The following CPSF1 variants were observed in gnomAD, a reference collection of about 807,000 sequenced individuals.
The protein encoded by CPSF1 is cleavage and polyadenylation specificity factor subunit 1.
Under a neutral mutation model 175.8 loss-of-function variants are expected in CPSF1, and 106 were observed. The ratio of observed to expected loss-of-function variants is 0.60; its 90% confidence interval spans 0.52 to 0.71. CPSF1 has a LOEUF of 0.71. Among genes scored for constraint, CPSF1 ranks in the 30% least tolerant of loss-of-function variants. The pLI, the probability that CPSF1 is intolerant of heterozygous loss-of-function variation, is 0.00. For missense variants in CPSF1, 1,734 were observed against 2,022.9 expected, an observed-to-expected ratio of 0.86 and a Z score of 2.74; for synonymous variants, 1,024 against 858.3, an observed-to-expected ratio of 1.19 and a Z score of -3.37.
chr8:144,409,090 G>A lies in CPSF1; in HGVS notation c.69C>T (p.Phe23=). The A allele has an allele frequency of 2.5e-6, 4 of 1,613,888 alleles. No homozygotes were observed. The highest frequency in any genetic ancestry group is 3.4e-6 in the Non-Finnish European group (4 of 1,179,908). ...CTACCAGGTTGCGCTCGCTGTTGTT[G>A]AAGAAGTTGCAGTACATGGAGAACT... is the stretch of plus-strand genomic sequence containing the variant. The part of the protein sequence containing the change: ...GLEFSMYCNF[F]NNSERNLVVA... Residue 23 remains phenylalanine (F), a synonymous_variant, in exon 2 of 38, where the codon TTC becomes TTT. Transcript: ENST00000616140.
chr8:144,394,927 G>C lies in CPSF1; in HGVS notation c.3369C>G (p.Ala1123=). ...CCTCCCCCTGCATGAGGCAGGTCCC[G>C]GCGGCCACGTAGCCTTTGAGGCCCG... ...TVSGLKGYVA[A]GTCLMQGEEV... is the part of the protein sequence containing the mutation. The change falls in exon 30 of 38, where the codon GCC becomes GCG. Residue 1123 remains alanine, a synonymous_variant. Coordinates refer to ENST00000616140, the MANE Select transcript of CPSF1 (RefSeq NM_013291.3). The C allele has an allele frequency of 6.2e-7, 1 of 1,612,702 alleles. No individual in the cohort carries two copies. Among genetic ancestry groups the C allele is most frequent in the Non-Finnish European group, 8.5e-7 (1 of 1,179,884 alleles).
intron 2 of CPSF1, among the ~76,000 whole-genome samples, chr8:144,402,302 TTTTG>T (rs1356401314): frequency 2.0e-5 from 3 of 151,118 alleles, no homozygotes; most frequent in African/African-American, 7.4e-5. Flanking sequence ...TTTTGTTTTT[TTTTG>T]TTTTTTGTTT....
In CPSF1 at chr8:144,394,884, G is replaced by A. The variant is rs1820613592; in HGVS notation, c.3412C>T (p.Arg1138Trp). 2 of 1,611,746 alleles carry A rather than the reference G, an allele frequency of 1.2e-6. No homozygotes were observed. Among genetic ancestry groups the A allele is most frequent in the Non-Finnish European group, 1.7e-6 (2 of 1,179,346 alleles). Residue 1138 changes from arginine to tryptophan, a missense_variant and splice_region_variant, in exon 30 of 38, where the codon CGG becomes TGG. Arg to Trp is a moderately radical substitution (Grantham distance 101). Coordinates refer to ENST00000616140, the MANE Select transcript of CPSF1 (RefSeq NM_013291.3). ...GCCCCCGCTCACTGGCCCCTTACCC[G>A]CCCTCGGCACGTGACCTCCTCCCCC... ...MQGEEVTCRG[R>W]ILIMDVIEVV...
Position 144,394,965 on chromosome 8 carries a change from C to T in CPSF1, c.3331G>A (p.Glu1111Lys). ...CCTTTGAGGCCCGACACGGTCTCCTCACTGCGCAGAGACACTGTCTTCATG... is the reference window on the plus strand; with the variant it reads ...CCTTTGAGGCCCGACACGGTCTCCTTACTGCGCAGAGACACTGTCTTCATG... ...TCMKTVSLRS[E>K]ETVSGLKGYV... is the part of the protein sequence containing the mutation. Residue 1111 changes from glutamate to lysine, a missense_variant, in exon 30 of 38, where the codon GAG becomes AAG. Coordinates refer to ENST00000616140, the MANE Select transcript of CPSF1 (RefSeq NM_013291.3). 2 of 1,613,038 alleles carry T rather than the reference C, an allele frequency of 1.2e-6. No individual in the cohort carries two copies. Among genetic ancestry groups the T allele is most frequent in the Non-Finnish European group, 1.7e-6 (2 of 1,179,950 alleles).
chr8:144,401,925 C>T (rs1821232158), intron 2 of CPSF1, among the ~76,000 whole-genome samples: 1 of 152,190 alleles, frequency 6.6e-6, no homozygotes, highest in South Asian at 2.1e-4. Context: ...CTCACGGCTC[C>T]CTAGCAGCCA....
In CPSF1 at chr8:144,393,373, G is replaced by A. The variant is rs1407155390; in HGVS notation, c.4285-8C>T. ...CAGCAAGTCGTCCAGGATCTGCAGG[G>A]GATGGAAGGGTGGGTGGGTGGGTGG... On this transcript the variant is annotated splice_region_variant and splice_polypyrimidine_tract_variant and intron_variant, in intron 37 of 37. Transcript: ENST00000616140. 4.4e-6 allele frequency: 6 copies of A among 1,375,402 alleles called. No homozygotes were observed. Among genetic ancestry groups the A allele is most frequent in the Middle Eastern group, 2.7e-4 (1 of 3,764 alleles). 85.2% of individuals were successfully genotyped at this position (1,375,402 alleles called of 1,614,324 possible). A position where few individuals can be genotyped will look rare whatever the true frequency, so the allele number is the denominator to read the frequency against.
Position 144,395,040 on chromosome 8 carries a change from C to T in CPSF1, c.3273-17G>A. 2 of 1,604,566 alleles carry T rather than the reference C, an allele frequency of 1.2e-6. No individual in the cohort carries two copies. The highest frequency in any genetic ancestry group is 4.5e-5 in the East Asian group (2 of 44,694). On this transcript the variant is annotated splice_polypyrimidine_tract_variant and intron_variant, in intron 29 of 37. Transcript: ENST00000616140. Reference sequence around the variant, plus strand: ...AGCTCGATCCTGTGGGGGCCAGGGGCCTCAGGATGCTGCCTGGAGGCCTTG... The same window carrying T: ...AGCTCGATCCTGTGGGGGCCAGGGGTCTCAGGATGCTGCCTGGAGGCCTTG...
chr8:144,396,329 G>A lies in CPSF1; in HGVS notation c.2979+19C>T. 1 of 1,573,198 alleles carries A rather than the reference G, an allele frequency of 6.4e-7. No individual in the cohort carries two copies. The highest frequency in any genetic ancestry group is 8.6e-7 in the Non-Finnish European group (1 of 1,161,678). On this transcript the variant is annotated intron_variant, in intron 26 of 37. Coordinates refer to ENST00000616140, the MANE Select transcript of CPSF1 (RefSeq NM_013291.3). ...GGGGCAGCATCAGCCAGTGCTGCTGGGAACCGGCCGGGCCCCACCTGTCTG... is the reference window on the plus strand; with the variant it reads ...GGGGCAGCATCAGCCAGTGCTGCTGAGAACCGGCCGGGCCCCACCTGTCTG...
In CPSF1 at chr8:144,394,704, C is replaced by T. The variant is rs782305984; in HGVS notation, c.3507G>A (p.Lys1169=). 1.2e-6 allele frequency: 2 copies of T among 1,613,210 alleles called. No homozygotes were observed. Among genetic ancestry groups the T allele is most frequent in the African/African-American group, 1.3e-5 (1 of 75,046 alleles). The change falls in exon 31 of 38, where the codon AAG becomes AAA. Residue 1169 remains lysine (K), a synonymous_variant. Transcript: ENST00000616140. ...KFKVLYEKEQ[K]GPVTALCHCN... ...AGTGGCACAGGGCGGTCACGGGCCC[C>T]TTCTGCTCCTTCTCGTAAAGGACTT...
chr8:144,398,697 G>A (rs1820963803), intron 17 of CPSF1, 59 bp from the exon 18 acceptor site: 16 of 1,602,912 alleles, frequency 1.0e-5, no homozygotes, highest in Non-Finnish European at 1.4e-5. Flanking sequence ...CAGGCACGCA[G>A]GTGCGACCTG....
chr8:144,400,144 G>GCCCCAGCCACC, intron 9 of CPSF1, 22 bp downstream of exon 9: 1 of 1,066,934 alleles, frequency 9.4e-7, no homozygotes, highest in Non-Finnish European at 1.2e-6. Flanking sequence ...GGCCCCCCCC[G>GCCCCAGCCACC]CCCCAGCCAC....
Position 144,399,536 on chromosome 8 carries a change from C to G in CPSF1, c.1243-33G>C. The G allele has an allele frequency of 6.2e-7, 1 of 1,611,906 alleles. No homozygotes were observed. The highest frequency in any genetic ancestry group is 8.5e-7 in the Non-Finnish European group (1 of 1,179,468). ...GCAGGAGGGGCACTGAGTGGCATGC[C>G]ACAGCAGTGCCCACATGAAGGGTGG... On this transcript the variant is annotated intron_variant, in intron 12 of 37. Coordinates refer to ENST00000616140, the MANE Select transcript of CPSF1 (RefSeq NM_013291.3). This position sits in a 1 kb window ranked among gnomAD's most constrained non-coding sequence, Gnocchi z 6.4.
chr8:144,408,917 C>G (rs1417278941), intron 2 of CPSF1, 98 bp downstream of exon 2: 1 of 1,446,460 alleles, frequency 6.9e-7, no homozygotes, highest in Non-Finnish European at 9.4e-7. Context: ...AAGCAAATCA[C>G]TCAACTTGTC....
intron 26 of CPSF1, 197 bp downstream of exon 26, chr8:144,396,151 C>T (rs2928375): frequency 1.6e-6 from 1 of 623,656 alleles, no homozygotes; most frequent in Non-Finnish European, 2.8e-6. Flanking sequence ...GCAGCCCCAG[C>T]TCCCAACCAC....
intron 2 of CPSF1, among the ~76,000 whole-genome samples, chr8:144,408,729 G>A (rs1821630696): frequency 6.6e-6 from 1 of 152,164 alleles, no homozygotes; most frequent in Non-Finnish European, 1.5e-5. Flanking sequence ...GCGCACAGTG[G>A]GCGTTCGCTC....
chr8:144,394,652 C>T lies in CPSF1; in HGVS notation c.3559G>A (p.Gly1187Ser). Reference sequence around the variant, plus strand: ...GGGTGGGACTGGCACACCTTCTGGCCGATGGCCGACACCAGGTGGCCATTG... The same window carrying T: ...GGGTGGGACTGGCACACCTTCTGGCTGATGGCCGACACCAGGTGGCCATTG... ...HCNGHLVSAI[G>S]QKIFLWSLRA... Residue 1187 changes from glycine (G) to serine (S), a missense_variant, in exon 31 of 38, where the codon GGC (glycine) becomes AGC (serine). By Grantham distance (56) the Gly-to-Ser change is moderately conservative (BLOSUM62 0). Transcript: ENST00000616140. The T allele has an allele frequency of 6.2e-7, 1 of 1,606,842 alleles. No individual in the cohort carries two copies. The highest frequency in any genetic ancestry group is 1.1e-5 in the South Asian group (1 of 90,272).
intron 2 of CPSF1, among the ~76,000 whole-genome samples, chr8:144,405,988 C>G (rs1291540664): frequency 6.6e-6 from 1 of 152,176 alleles, no homozygotes; most frequent in Non-Finnish European, 1.5e-5. Flanking sequence ...TCCCCACACT[C>G]TGATGAATCC....
At chr8:144,400,145 C>CA (rs1821096207) in intron 9 of CPSF1, 21 bp downstream of exon 9, 2 of 1,367,646 alleles carry the variant, frequency 1.5e-6, no homozygotes, top group Non-Finnish European at 2.0e-6. Flanking sequence ...GCCCCCCCCG[C>CA]CCCAGCCACC....
rs374383317 is a variant in CPSF1, at chr8:144,396,338, C to A, written c.2979+10G>T. The A allele has an allele frequency of 2.9e-5, 45 of 1,578,196 alleles. No individual in the cohort carries two copies. The African/African-American group carries it at 5.9e-4, about 21-fold the overall frequency. ...TCAGCCAGTGCTGCTGGGAACCGGC[C>A]GGGCCCCACCTGTCTGTTGAAGTAC... On this transcript the variant is annotated intron_variant, in intron 26 of 37. Coordinates refer to ENST00000616140, the MANE Select transcript of CPSF1 (RefSeq NM_013291.3).
Sources: allele counts gnomAD v4.1 joint callset (sites outside exome capture counted in the v4.1 genomes callset), GRCh38; gene constraint gnomAD v4.1.1; non-coding constraint Gnocchi (gnomAD v3.1); transcripts MANE v1.5; gene names NCBI Gene and HGNC (gene_info 2026-07-23, HGNC 2026-07-21).